Variants in PSD3 observed in about 807,000 individuals in gnomAD.
PSD3 encodes the protein PH and SEC7 domain-containing protein 3.
PSD3 carries 49 observed loss-of-function variants against 105.5 expected under a neutral mutation model. The observed-to-expected ratio is 0.46, with a 90% confidence interval of 0.37 to 0.59. PSD3 has a LOEUF of 0.59. Among genes scored for constraint, PSD3 ranks in the 20% least tolerant of loss-of-function variants. The probability of loss-of-function intolerance (pLI) is 0.00; values close to 1 mark genes in which losing one functional copy is unlikely to be tolerated. For missense variants in PSD3, 1,561 were observed against 1,263.8 expected (o/e 1.24, Z -3.57); for synonymous variants, 557 against 457.8 (o/e 1.22, Z -2.77).
Position 19,013,532 on chromosome 8 carries a change from C to A in PSD3, c.21+31G>T, listed in dbSNP as rs764393621. On this transcript the variant is annotated intron_variant, in intron 1 of 15. Coordinates refer to ENST00000327040, the MANE Select transcript of PSD3 (RefSeq NM_015310.4). ...TCGAACAGCGGCGCCGCGTGCGCAC[C>A]CCGCGCCCGCGCCCCGGCCCCGGAG... 9.5e-6 allele frequency: 15 copies of A among 1,574,938 alleles called. No homozygotes were observed. The East Asian group carries it at 3.6e-4, about 38-fold the overall frequency.
chr8:18,564,703 T>TG (rs1294965243), intron 14 of PSD3, among the ~76,000 whole-genome samples: 2 of 148,016 alleles, frequency 1.4e-5, no homozygotes, highest in African/African-American at 2.5e-5. Flanking sequence ...AATGGGTGGG[T>TG]GGGGGCGCAG....
intron 2 of PSD3, among the ~76,000 whole-genome samples, chr8:18,879,757 AT>A (rs1563378871): frequency 1.3e-5 from 2 of 151,970 alleles, no homozygotes; most frequent in African/African-American, 2.4e-5. Context: ...CACCCGGCTA[AT>A]TTTTTTATTT....
At chr8:18,810,325 C>A (rs527549260) in intron 4 of PSD3, among the ~76,000 whole-genome samples, 15 of 152,294 alleles carry the variant, frequency 9.8e-5, no homozygotes, top group Non-Finnish European at 2.1e-4. Context: ...CCTCCACTGT[C>A]TTCCATGCTA....
intron 14 of PSD3, among the ~76,000 whole-genome samples, chr8:18,563,291 A>G (rs969668328): frequency 6.6e-6 from 1 of 152,160 alleles, no homozygotes; most frequent in Admixed American, 6.5e-5. Context: ...CACAAAACCT[A>G]ACATAGTACC....
chr8:18,683,859 C>T (rs377543011), intron 9 of PSD3: 7 of 765,140 alleles, frequency 9.1e-6, no homozygotes, highest in African/African-American at 3.4e-5. Flanking sequence ...AGAATCCTCC[C>T]GGGAGTATTT....
chr8:18,811,927 AG>A lies in PSD3; in HGVS notation c.1635-7030del, dbSNP rs544110063. Reference sequence around the variant, plus strand: ...AATAATAGTGTATAAATGCTTATTAAGTTTGGACCCAACAATTTACAGTCAT... The same window carrying A: ...AATAATAGTGTATAAATGCTTATTAATTTGGACCCAACAATTTACAGTCAT... On this transcript the variant is annotated intron_variant, in intron 4 of 15. Coordinates refer to ENST00000327040, the MANE Select transcript of PSD3 (RefSeq NM_015310.4). 8.4e-4 allele frequency among the ~76,000 whole-genome samples: 128 copies of A among 152,310 alleles called. 1 individual carries two copies. The highest frequency in any genetic ancestry group is 2.9e-3 in the African/African-American group (119 of 41,566).
At chr8:18,647,878 CCT>C (rs1025940556) in intron 10 of PSD3, among the ~76,000 whole-genome samples, 113 of 152,128 alleles carry the variant, frequency 7.4e-4, no homozygotes, top group Non-Finnish European at 1.1e-3. Context: ...GCACCTGCCC[CCT>C]CTCTCTCTTC....
chr8:18,863,408 G>T (rs1251182357), intron 4 of PSD3, among the ~76,000 whole-genome samples: 1 of 152,144 alleles, frequency 6.6e-6, no homozygotes, highest in Non-Finnish European at 1.5e-5. Flanking sequence ...CTGACCCCCG[G>T]TCAGCCTGAG....
intron 4 of PSD3, among the ~76,000 whole-genome samples, chr8:18,844,722 G>C (rs1163794282): frequency 1.3e-5 from 2 of 152,206 alleles, no homozygotes; most frequent in South Asian, 4.1e-4. Flanking sequence ...AAGTTAGTTA[G>C]AAGCACAAAA....
At position 18,570,574 on chromosome 8, in the gene PSD3, C is replaced by G. The variant is rs190136706; in HGVS notation, c.2784+1954G>C. Among the ~76,000 whole-genome samples, 6 of 149,458 alleles carry G rather than the reference C, an allele frequency of 4.0e-5. No individual in the cohort carries two copies. The East Asian group carries it at 1.2e-3, about 30-fold the overall frequency. On this transcript the variant is annotated intron_variant, in intron 14 of 15. Transcript: ENST00000327040. The stretch of plus-strand genomic sequence containing the variant: ...AAAATTTTCGCAACCTACTACTCAT[C>G]TGACAAAGGGCTAATATCCAGAATC...
At chr8:18,764,263 G>C (rs1427668126) in intron 9 of PSD3, among the ~76,000 whole-genome samples, 1 of 152,108 alleles carries the variant, frequency 6.6e-6, no homozygotes, top group Non-Finnish European at 1.5e-5. Context: ...ACTGAAAAAA[G>C]TCTTGTTAAC....
intron 1 of PSD3, among the ~76,000 whole-genome samples, chr8:19,004,712 C>T (rs938752325): frequency 6.6e-6 from 1 of 152,156 alleles, no homozygotes; most frequent in African/African-American, 2.4e-5. Flanking sequence ...CATCTTGAAT[C>T]GGAACTCCCA....
chr8:18,871,591 G>C (rs1259475175), intron 3 of PSD3, 35 bp downstream of exon 3: 1 of 1,551,902 alleles, frequency 6.4e-7, no homozygotes, highest in East Asian at 2.2e-5. Context: ...TATGTACCAG[G>C]CATCTGAGAC....
intron 1 of PSD3, among the ~76,000 whole-genome samples, chr8:18,989,658 T>C (rs13255513): frequency 2.0e-5 from 3 of 152,024 alleles, no homozygotes; most frequent in East Asian, 1.9e-4. Context: ...CTTACATAAC[T>C]TGCATCATCT....
chr8:18,770,714 T>C (rs1022882403), intron 8 of PSD3, among the ~76,000 whole-genome samples: 5 of 152,224 alleles, frequency 3.3e-5, no homozygotes, highest in Admixed American at 3.3e-4. Context: ...GTTTGGGTGC[T>C]CTTTTAGCTT....
rs183822700 is a variant in PSD3 at position 19,052,212 on chromosome 8, G to A, written c.324+31994C>T. On this transcript the variant is annotated intron_variant, in intron 1 of 1. Coordinates refer to the PSD3 transcript ENST00000521475. ...AAAGTGGCCGGGCACGGTGGCTCAC[G>A]CCTGTAATCCCAGCACTTTGGGAGG... Among the ~76,000 whole-genome samples, 1,123 of 152,226 alleles carry A rather than the reference G, an allele frequency of 7.4e-3. 14 individuals are homozygous for A. Among genetic ancestry groups the A allele is most frequent in the African/African-American group, 0.025 (1,037 of 41,548 alleles).
chr8:18,834,351 A>G (rs546032212), intron 4 of PSD3, among the ~76,000 whole-genome samples: 2 of 152,326 alleles, frequency 1.3e-5, no homozygotes, highest in Admixed American at 1.3e-4. Context: ...CTATCCTTCA[A>G]ATGGAAAGGG....
At chr8:18,678,206 T>A (rs1378272149) in intron 9 of PSD3, among the ~76,000 whole-genome samples, 1 of 152,142 alleles carries the variant, frequency 6.6e-6, no homozygotes, top group Non-Finnish European at 1.5e-5. Flanking sequence ...ACCTCCCTAA[T>A]TCCTTCAAAT....
intron 10 of PSD3, among the ~76,000 whole-genome samples, chr8:18,638,905 T>C (rs1182310174): frequency 1.3e-5 from 2 of 152,140 alleles, no homozygotes; most frequent in African/African-American, 4.8e-5. Flanking sequence ...AAATCCCAAG[T>C]AGCTAAGGTC....
Sources: gnomAD v4.1 joint callset for allele counts (sites outside exome capture counted in the v4.1 genomes callset) on GRCh38, gnomAD v4.1.1 for gene constraint, MANE v1.5 for transcripts, NCBI Gene and HGNC (gene_info 2026-07-23, HGNC 2026-07-21) for gene names.